Variants in CCDC85A observed in about 807,000 individuals in gnomAD.
The protein encoded by CCDC85A is coiled-coil domain-containing protein 85A.
In CCDC85A, 38 loss-of-function variants were observed where a neutral mutation model predicts 50.2. The ratio of observed to expected loss-of-function variants is 0.76; its 90% confidence interval spans 0.58 to 0.99. The LOEUF is 0.99. CCDC85A is among the 50% of genes least tolerant of loss of function. CCDC85A has a pLI of 0.00. For synonymous variants in CCDC85A, 366 were observed against 301.4 expected (o/e 1.21, Z -2.22); for missense variants, 820 against 742.0 (o/e 1.11, Z -1.22).
At chr2:56,329,936 A>C (rs951233789) in intron 2 of CCDC85A, among the ~76,000 whole-genome samples, 12 of 80,940 alleles carry the variant, frequency 1.5e-4, no homozygotes, top group African/African-American at 5.6e-4. Context: ...TGTTTTTTAC[A>C]GATTTCCTGT....
At chr2:56,381,277 GA>G (rs1473140143) in intron 5 of CCDC85A, among the ~76,000 whole-genome samples, 2 of 152,120 alleles carry the variant, frequency 1.3e-5, no homozygotes, top group Middle Eastern at 3.4e-3. Context: ...TTTTCAATTT[GA>G]ATATTTCCCT....
intron 2 of CCDC85A, among the ~76,000 whole-genome samples, chr2:56,263,469 C>G (rs1670303291): frequency 6.6e-6 from 1 of 152,178 alleles, no homozygotes. Flanking sequence ...ATTCCATGCC[C>G]CTTCTCTGCC....
chr2:56,251,995 T>C (rs1025244558), intron 2 of CCDC85A, among the ~76,000 whole-genome samples: 6 of 152,126 alleles, frequency 3.9e-5, no homozygotes, highest in Admixed American at 1.3e-4. Context: ...TGACCTAGTC[T>C]TTTATGTCTC....
chr2:56,262,153 G>A (rs947256625), intron 2 of CCDC85A, among the ~76,000 whole-genome samples: 1 of 152,126 alleles, frequency 6.6e-6, no homozygotes, highest in Non-Finnish European at 1.5e-5. Context: ...TCAGTGGGAA[G>A]ATTCAGTCTC....
chr2:56,334,416 A>C (rs555780817), intron 2 of CCDC85A, among the ~76,000 whole-genome samples: 3 of 152,240 alleles, frequency 2.0e-5, no homozygotes, highest in Non-Finnish European at 2.9e-5. Context: ...AAATATTTTC[A>C]TATAGCATTT....
At chr2:56,373,692 A>T (rs1004306380) in intron 4 of CCDC85A, among the ~76,000 whole-genome samples, 5 of 152,228 alleles carry the variant, frequency 3.3e-5, no homozygotes, top group African/African-American at 1.2e-4. Context: ...TTGCCTTCTA[A>T]ATTAGAGGAA....
chr2:56,261,234 T>C (rs920380548), intron 2 of CCDC85A, among the ~76,000 whole-genome samples: 1 of 152,176 alleles, frequency 6.6e-6, no homozygotes, highest in Non-Finnish European at 1.5e-5. Flanking sequence ...AATGCCATTC[T>C]TATAGAGAGA....
intron 2 of CCDC85A, among the ~76,000 whole-genome samples, chr2:56,263,183 G>A (rs1202764375): frequency 2.0e-5 from 3 of 152,130 alleles, no homozygotes; most frequent in Non-Finnish European, 4.4e-5. Context: ...TTCCTGAAAA[G>A]AGCCCAGCAC....
chr2:56,319,331 A>C (rs1392583664), intron 2 of CCDC85A, among the ~76,000 whole-genome samples: 1 of 152,074 alleles, frequency 6.6e-6, no homozygotes, highest in Non-Finnish European at 1.5e-5. Flanking sequence ...AAACCCAGGC[A>C]GTCTAGCTCT....
rs1676383613 is a variant in CCDC85A, at chr2:56,193,247, G to A, written c.1047G>A (p.Glu349=). The A allele has an allele frequency of 1.2e-6, 2 of 1,611,298 alleles. No individual in the cohort carries two copies. The highest frequency in any genetic ancestry group is 1.1e-5 in the South Asian group (1 of 90,940). The change falls in exon 2 of 6, where the codon GAG becomes GAA. Residue 349 remains glutamate, a synonymous_variant. Coordinates refer to ENST00000407595, the MANE Select transcript of CCDC85A (RefSeq NM_001080433.2). ...LQKHALGGSL[E]HLPRARGTSP... ...AACACGCTCTTGGGGGGAGCCTAGA[G>A]CATCTCCCCAGAGCCAGGGGCACCA...
At chr2:56,320,539 G>A (rs1673128170) in intron 2 of CCDC85A, among the ~76,000 whole-genome samples, 1 of 152,108 alleles carries the variant, frequency 6.6e-6, no homozygotes, top group African/African-American at 2.4e-5. Context: ...AGGAAATCTA[G>A]AAGAAATGGA....
chr2:56,324,819 C>G (rs1673385672), intron 2 of CCDC85A, among the ~76,000 whole-genome samples: 1 of 151,960 alleles, frequency 6.6e-6, no homozygotes, highest in Non-Finnish European at 1.5e-5. Flanking sequence ...AGTTTAGGGA[C>G]TCTTTGGGGT....
intron 3 of CCDC85A, among the ~76,000 whole-genome samples, chr2:56,354,042 C>T (rs1042139599): frequency 6.6e-6 from 1 of 152,040 alleles, no homozygotes; most frequent in Non-Finnish European, 1.5e-5. Flanking sequence ...TTAAAGGGAC[C>T]ACATGTTATC....
chr2:56,350,128 T>C (rs1303311193), intron 3 of CCDC85A, among the ~76,000 whole-genome samples: 1 of 149,684 alleles, frequency 6.7e-6, no homozygotes, highest in African/African-American at 2.4e-5. Flanking sequence ...AAGTTAAAGA[T>C]GAAACAGTCT....
At chr2:56,374,844 A>T (rs990891683) in intron 4 of CCDC85A, among the ~76,000 whole-genome samples, 2 of 152,202 alleles carry the variant, frequency 1.3e-5, no homozygotes, top group Non-Finnish European at 2.9e-5. Flanking sequence ...CTCTTTATGA[A>T]TTCTCATGAT....
chr2:56,288,071 A>G (rs372718115), intron 2 of CCDC85A, among the ~76,000 whole-genome samples: 18 of 152,218 alleles, frequency 1.2e-4, no homozygotes, highest in African/African-American at 4.3e-4. Context: ...CTGAACCCAT[A>G]TCTTGGGATG....
chr2:56,301,977 CG>C (rs1166582076), intron 2 of CCDC85A, among the ~76,000 whole-genome samples: 1 of 152,128 alleles, frequency 6.6e-6, no homozygotes, highest in Non-Finnish European at 1.5e-5. Flanking sequence ...ATAAATAGGC[CG>C]GGCGTAGTGG....
rs1672147624 is a variant in CCDC85A, at chr2:56,300,413, T to C, written c.1241-42466T>C. ...AATTTAATGCTGATTTGTTGGTAAG[T>C]TGACTTAGATATGTTGGTGAGTTGA... On this transcript the variant is annotated intron_variant, in intron 2 of 5. Transcript: ENST00000407595. Among the ~76,000 whole-genome samples the C allele has an allele frequency of 1.3e-5, 2 of 152,200 alleles. 1 individual carries two copies. The highest frequency in any genetic ancestry group is 2.9e-5 in the Non-Finnish European group (2 of 68,038).
intron 3 of CCDC85A, among the ~76,000 whole-genome samples, chr2:56,367,594 A>G (rs969405362): frequency 6.6e-6 from 1 of 152,130 alleles, no homozygotes; most frequent in African/African-American, 2.4e-5. Flanking sequence ...GATATTTGGC[A>G]ACATCCTTGG....
Sources: gnomAD v4.1 joint callset for allele counts (sites outside exome capture counted in the v4.1 genomes callset) on GRCh38, gnomAD v4.1.1 for gene constraint, MANE v1.5 for transcripts, NCBI Gene and HGNC (gene_info 2026-07-23, HGNC 2026-07-21) for gene names.